Variants in MACROD2 observed in about 807,000 individuals in gnomAD.
MACROD2 encodes mono-ADP ribosylhydrolase 2, also known as ADP-ribose glycohydrolase MACROD2.
In MACROD2, 36 loss-of-function variants were observed where a neutral mutation model predicts 70.4. The observed-to-expected ratio is 0.51, with a 90% CI of 0.39 to 0.68. The LOEUF (loss-of-function observed/expected upper bound fraction) is 0.68, where lower values mean the gene tolerates loss of function less well. Among genes scored for constraint, MACROD2 ranks in the 30% least tolerant of loss-of-function variants. The probability of loss-of-function intolerance (pLI) is 0.00; values close to 1 mark genes in which losing one functional copy is unlikely to be tolerated. For synonymous variants in MACROD2, 172 were observed against 178.8 expected (o/e 0.96, Z 0.30); for missense variants, 496 against 538.4 (o/e 0.92, Z 0.78).
At chr20:15,636,097 G>GAAAA (rs1168657046) in intron 8 of MACROD2, among the ~76,000 whole-genome samples, 1 of 70,568 alleles carries the variant, frequency 1.4e-5, no homozygotes, top group Non-Finnish European at 3.1e-5. Flanking sequence ...AAAAAAGAAA[G>GAAAA]AAAAGAAAAG....
rs1555940650 is a variant in MACROD2 at position 14,230,654 on chromosome 20, T to TAAAAAAAA, written c.271+144928_271+144929insAAAAAAAA. On this transcript the variant is annotated intron_variant, in intron 3 of 17. Transcript: ENST00000684519. ...GTTTATATATATATATATATATATA[T>TAAAAAAAA]AACACAGGCTGGGCCTATATATATA... Among the ~76,000 whole-genome samples, 5 of 74,242 alleles carry TAAAAAAAA rather than the reference T, an allele frequency of 6.7e-5. 1 individual carries two copies. In the East Asian group the frequency reaches 2.9e-3, roughly 43 times the overall value. The allele number at this position is 74,242 out of a possible 152,430, so 48.7% of individuals were successfully genotyped here. A position where few individuals can be genotyped will look rare whatever the true frequency, so the allele number is the denominator to read the frequency against.
chr20:14,002,599 T>C (rs2273401), intron 2 of MACROD2, among the ~76,000 whole-genome samples, 195 bp downstream of exon 2: 23,049 of 152,182 alleles, frequency 0.15, 1,942 homozygotes, highest in Admixed American at 0.22. Flanking sequence ...ATAATTTGTG[T>C]TCTGAAATAT....
rs4814337 is a variant in MACROD2, at chr20:15,125,397, G to A, written c.419-104543G>A. ...TAAACCATATGCCCATATCCTAAACGTAGGGGTTAAGATGAAGATTTTATG... is the reference window on the plus strand; with the variant it reads ...TAAACCATATGCCCATATCCTAAACATAGGGGTTAAGATGAAGATTTTATG... On this transcript the variant is annotated intron_variant, in intron 5 of 17. Transcript: ENST00000684519. 8.0e-4 allele frequency among the ~76,000 whole-genome samples: 122 copies of A among 152,066 alleles called. 1 individual carries two copies. The highest frequency in any genetic ancestry group is 1.2e-3 in the Non-Finnish European group (84 of 67,956).
chr20:14,544,228 CTTCT>C (rs1477683070), intron 4 of MACROD2, among the ~76,000 whole-genome samples: 1 of 131,316 alleles, frequency 7.6e-6, no homozygotes, highest in Non-Finnish European at 1.7e-5. Context: ...AAAATGATTC[CTTCT>C]TTTTTTTTTT....
At chr20:15,266,855 T>G (rs1215838272) in intron 6 of MACROD2, among the ~76,000 whole-genome samples, 1 of 152,214 alleles carries the variant, frequency 6.6e-6, no homozygotes, top group Non-Finnish European at 1.5e-5. Context: ...AATAGGGTAC[T>G]CTGCTTCCGT....
intron 2 of MACROD2, among the ~76,000 whole-genome samples, chr20:14,079,694 AC>A (rs1361333613): frequency 9.2e-5 from 14 of 152,198 alleles, no homozygotes; most frequent in African/African-American, 3.4e-4. Context: ...TCAGTTTATA[AC>A]CAAGGCTTTG....
At chr20:15,583,815 A>C (rs1175989055) in intron 8 of MACROD2, among the ~76,000 whole-genome samples, 2 of 151,536 alleles carry the variant, frequency 1.3e-5, no homozygotes, top group East Asian at 1.9e-4. Flanking sequence ...GGCTTTTTAT[A>C]TTTTCTGGTA....
chr20:14,185,771 C>G (rs897682083), intron 3 of MACROD2, among the ~76,000 whole-genome samples: 1 of 152,036 alleles, frequency 6.6e-6, no homozygotes, highest in Non-Finnish European at 1.5e-5. Flanking sequence ...TTTCAGTCAC[C>G]TCCTTTGTAA....
intron 5 of MACROD2, among the ~76,000 whole-genome samples, chr20:14,806,278 A>G (rs919762344): frequency 6.6e-6 from 1 of 152,040 alleles, no homozygotes; most frequent in African/African-American, 2.4e-5. Context: ...GGGACTGGTT[A>G]GACAGTGGGT....
intron 8 of MACROD2, among the ~76,000 whole-genome samples, chr20:15,765,558 A>G (rs908503284): frequency 1.2e-4 from 19 of 152,222 alleles, no homozygotes; most frequent in African/African-American, 4.6e-4. Context: ...TTACGGTGGG[A>G]AAGAATATTT....
chr20:14,013,209 GAA>G (rs1223541797), intron 2 of MACROD2, among the ~76,000 whole-genome samples: 1 of 150,304 alleles, frequency 6.7e-6, no homozygotes, highest in Non-Finnish European at 1.5e-5. Context: ...TTTATTGAAA[GAA>G]TCAATGTATA....
chr20:15,876,684 G>A (rs953006621), intron 9 of MACROD2, among the ~76,000 whole-genome samples: 5 of 152,074 alleles, frequency 3.3e-5, no homozygotes, highest in African/African-American at 9.7e-5. Flanking sequence ...CTGAGGAGTC[G>A]CCACACTGTC....
chr20:15,149,192 T>TC (rs1432140431), intron 5 of MACROD2, among the ~76,000 whole-genome samples: 2 of 152,006 alleles, frequency 1.3e-5, no homozygotes, highest in African/African-American at 4.8e-5. Context: ...GCCTGAATAA[T>TC]CCCTGAGGAG....
At chr20:15,602,147 C>T (rs559219191) in intron 8 of MACROD2, among the ~76,000 whole-genome samples, 1 of 152,300 alleles carries the variant, frequency 6.6e-6, no homozygotes, top group African/African-American at 2.4e-5. Flanking sequence ...AGACCCCAAC[C>T]TCCTGCCGTG....
intron 3 of MACROD2, among the ~76,000 whole-genome samples, chr20:14,118,201 A>G (rs2054538883): frequency 6.6e-6 from 1 of 152,200 alleles, no homozygotes; most frequent in African/African-American, 2.4e-5. Flanking sequence ...ATCTTGCTAT[A>G]AGTTTTGTTT....
intron 3 of MACROD2, among the ~76,000 whole-genome samples, chr20:14,149,989 G>T (rs1332750993): frequency 6.6e-6 from 1 of 151,920 alleles, no homozygotes; most frequent in Non-Finnish European, 1.5e-5. Context: ...AATGTATTTT[G>T]TCTATAAACT....
chr20:15,452,048 C>T (rs1237291841), intron 7 of MACROD2, among the ~76,000 whole-genome samples: 1 of 152,144 alleles, frequency 6.6e-6, no homozygotes, highest in Non-Finnish European at 1.5e-5. Context: ...GAGTGTCTGT[C>T]TGTGCGCTTA....
chr20:14,329,645 A>T (rs2082797839), intron 3 of MACROD2, among the ~76,000 whole-genome samples: 1 of 152,136 alleles, frequency 6.6e-6, no homozygotes, highest in East Asian at 1.9e-4. Context: ...AAATGATAAA[A>T]TGTTTAAAAA....
chr20:14,954,862 AATATATTATATAATTATTTAATT>A (rs1378966926), intron 5 of MACROD2, among the ~76,000 whole-genome samples: 74 of 102,148 alleles, frequency 7.2e-4, no homozygotes, highest in Admixed American at 2.0e-3. Context: ...TATGTAATTA[AATATATTATATAATTATTTAATT>A]ATATATTATA....
Sources: allele counts gnomAD v4.1 joint callset (sites outside exome capture counted in the v4.1 genomes callset), GRCh38; gene constraint gnomAD v4.1.1; transcripts MANE v1.5; gene names NCBI Gene and HGNC (gene_info 2026-07-23, HGNC 2026-07-21).